The following KLF7 variants were observed in gnomAD, a reference collection of about 807,000 sequenced individuals.
KLF7 encodes the protein Krueppel-like factor 7.
A neutral mutation model predicts 27.3 loss-of-function variants in KLF7; 2 were observed. The observed-to-expected ratio is 0.07, with a 90% CI of 0.03 to 0.23. The LOEUF (loss-of-function observed/expected upper bound fraction) is 0.23. Ranked by LOEUF, KLF7 falls within the 10% of genes least tolerant of loss-of-function variation. The pLI is 1.00. For missense variants in KLF7, 221 were observed against 394.1 expected, an observed-to-expected ratio of 0.56 and a Z score of 3.72; for synonymous variants, 165 against 162.4, an observed-to-expected ratio of 1.02 and a Z score of -0.12.
Position 207,088,344 on chromosome 2 carries a change from T to C in KLF7, c.857+114A>G, listed in dbSNP as rs924323051. 4.7e-6 allele frequency: 6 copies of C among 1,263,532 alleles called. No homozygotes were observed. In the African/African-American group the frequency reaches 8.8e-5, roughly 19 times the overall value. The allele number at this position is 1,263,532 out of a possible 1,614,324, so 78.3% of individuals were successfully genotyped here. A position where few individuals can be genotyped will look rare whatever the true frequency, so the allele number is the denominator to read the frequency against. ...TCCATGGAGAAAAGGCATTCCCAGG[T>C]CCAAGTGTCTGTGAGTCAGACCTGT... On this transcript the variant is annotated intron_variant, in intron 3 of 3. Coordinates refer to ENST00000309446, the MANE Select transcript of KLF7 (RefSeq NM_003709.4).
chr2:207,095,870 A>T (rs2076617152), intron 2 of KLF7, among the ~76,000 whole-genome samples: 1 of 152,240 alleles, frequency 6.6e-6, no homozygotes, highest in South Asian at 2.1e-4. Flanking sequence ...TATTTTAGAT[A>T]TATTAATTTA....
intron 1 of KLF7, among the ~76,000 whole-genome samples, chr2:207,135,001 G>T (rs2077745752): frequency 6.6e-6 from 1 of 152,166 alleles, no homozygotes; most frequent in Non-Finnish European, 1.5e-5. Flanking sequence ...CAGACATAAA[G>T]AAACCTATCG....
At position 207,077,686 on chromosome 2, in the gene KLF7, G is replaced by C. The variant is rs1306140282; in HGVS notation, c.*3527C>G. 1.3e-5 allele frequency: 2 copies of C among 152,210 alleles called. No homozygotes were observed. The highest frequency in any genetic ancestry group is 1.3e-4 in the Admixed American group (2 of 15,284). The allele number at this position is 152,210 out of a possible 1,614,324, so 9.4% of individuals were successfully genotyped here. ...GGCATTGAGCTGAGCCATTAACCAT[G>C]GGTGGGGCAGGAGGCCAGTAGCTAG... On this transcript the variant is annotated 3_prime_UTR_variant, in exon 4 of 4. Coordinates refer to ENST00000309446, the MANE Select transcript of KLF7 (RefSeq NM_003709.4).
intron 1 of KLF7, 56 bp downstream of exon 1, chr2:207,165,411 G>A: frequency 6.2e-7 from 1 of 1,612,258 alleles, no homozygotes; most frequent in Non-Finnish European, 8.5e-7. Flanking sequence ...CACCAACGCA[G>A]CCCCTGCGTC....
chr2:207,088,828 C>T (rs1221414746), intron 2 of KLF7, among the ~76,000 whole-genome samples: 2 of 152,056 alleles, frequency 1.3e-5, no homozygotes, highest in African/African-American at 4.8e-5. Context: ...AAATCTGGAG[C>T]TGTCATTTTA....
chr2:207,121,195 TATCCAC>T (rs1157079405), intron 2 of KLF7, among the ~76,000 whole-genome samples: 4 of 152,346 alleles, frequency 2.6e-5, no homozygotes, highest in African/African-American at 9.6e-5. Context: ...CCACAACTTG[TATCCAC>T]AGGTGTCATC....
At chr2:207,081,327 T>G in intron 3 of KLF7, 63 bp from the exon 4 acceptor site, 1 of 1,311,008 alleles carries the variant, frequency 7.6e-7, no homozygotes, top group East Asian at 2.3e-5. Context: ...CTTGCATCAC[T>G]CCTTAGGAAA....
intron 1 of KLF7, among the ~76,000 whole-genome samples, chr2:207,127,190 A>C (rs927850528): frequency 6.6e-6 from 1 of 152,176 alleles, no homozygotes; most frequent in Non-Finnish European, 1.5e-5. Context: ...AAAAATCTGG[A>C]CCATTTCAGA....
Position 207,078,324 on chromosome 2 carries a change from G to A in KLF7, c.*2889C>T, listed in dbSNP as rs868712223. The A allele has an allele frequency of 6.6e-6, 1 of 152,098 alleles. No individual in the cohort carries two copies. Among genetic ancestry groups the A allele is most frequent in the African/African-American group, 2.4e-5 (1 of 41,408 alleles). The allele number at this position is 152,098 out of a possible 1,614,324, so 9.4% of individuals were successfully genotyped here. A position where few individuals can be genotyped will look rare whatever the true frequency, so the allele number is the denominator to read the frequency against. ...AGAAAGGTCAGGAGCAGATTACAAA[G>A]GACCTCACTGATACAAAAGAGAGAG... On this transcript the variant is annotated 3_prime_UTR_variant, in exon 4 of 4. Coordinates refer to ENST00000309446, the MANE Select transcript of KLF7 (RefSeq NM_003709.4).
intron 1 of KLF7, among the ~76,000 whole-genome samples, chr2:207,145,907 G>A (rs79832097): frequency 0.037 from 5,696 of 152,250 alleles, 157 homozygotes; most frequent in Middle Eastern, 0.1. Context: ...TTAAGTGAAT[G>A]AACTAAAGAA....
At chr2:207,116,524 G>A (rs112539782) in intron 2 of KLF7, among the ~76,000 whole-genome samples, 6 of 152,134 alleles carry the variant, frequency 3.9e-5, no homozygotes, top group African/African-American at 7.2e-5. Context: ...TTCTTATAAC[G>A]TCATCTTAGC....
At chr2:207,124,550 G>T in intron 1 of KLF7, 146 bp from the exon 2 acceptor site, 1 of 731,586 alleles carries the variant, frequency 1.4e-6, no homozygotes. Context: ...GTCTGACCTT[G>T]TTATTTATTC....
chr2:207,165,651 A>AC lies in KLF7; in HGVS notation c.-84dup, dbSNP rs1000619414. The AC allele has an allele frequency of 1.3e-6, 2 of 1,578,196 alleles. No homozygotes were observed. The highest frequency in any genetic ancestry group is 1.7e-6 in the Non-Finnish European group (2 of 1,160,898). On this transcript the variant is annotated 5_prime_UTR_variant, in exon 1 of 4. An upstream open reading frame in the 5' UTR gains an earlier in-frame stop. Coordinates refer to ENST00000309446, the MANE Select transcript of KLF7 (RefSeq NM_003709.4). ...GTTTGTTTGTCAGTCTGTCTGGCTC[A>AC]CCCCCCAAGAAGGCAGACATCCAGT... is the stretch of plus-strand genomic sequence containing the variant.
At chr2:207,126,758 G>A (rs945181748) in intron 1 of KLF7, among the ~76,000 whole-genome samples, 7 of 149,888 alleles carry the variant, frequency 4.7e-5, no homozygotes, top group South Asian at 2.1e-4. Flanking sequence ...AGCTATGGTC[G>A]TACCACTGCA....
chr2:207,111,466 C>T (rs755625180), intron 2 of KLF7, among the ~76,000 whole-genome samples: 1 of 152,204 alleles, frequency 6.6e-6, no homozygotes, highest in African/African-American at 2.4e-5. Context: ...TTCTAATTCA[C>T]ACAAAAGCAT....
At chr2:207,086,859 C>T (rs898375081) in intron 3 of KLF7, among the ~76,000 whole-genome samples, 5 of 152,224 alleles carry the variant, frequency 3.3e-5, no homozygotes, top group South Asian at 4.1e-4. Context: ...TGTGTGTACA[C>T]GCTACCATCA....
upstream of KLF7, chr2:207,166,322 G>A: frequency 6.2e-6 from 2 of 321,344 alleles, no homozygotes; most frequent in Non-Finnish European, 9.0e-6. Flanking sequence ...TGCCTTACAA[G>A]GCGGTGCGAG....
At position 207,124,267 on chromosome 2, in the gene KLF7, C is replaced by A. The variant is rs780193286; in HGVS notation, c.240G>T (p.Leu80=). Residue 80 remains leucine (L), a synonymous_variant, in exon 2 of 4, where the codon CTG becomes CTT. Transcript: ENST00000309446. ...IEESFRRLDP[L]LLPVEAAICE... is the part of the protein sequence containing the mutation. ...AGATGGCCGCTTCCACGGGGAGCAG[C>A]AGGGGGTCTAAGCGACGGAAGCTTT... The A allele has an allele frequency of 6.2e-7, 1 of 1,613,936 alleles. No individual in the cohort carries two copies. Among genetic ancestry groups the A allele is most frequent in the African/African-American group, 1.3e-5 (1 of 74,868 alleles).
chr2:207,087,614 T>C (rs1247190234), intron 3 of KLF7, among the ~76,000 whole-genome samples: 3 of 152,324 alleles, frequency 2.0e-5, no homozygotes, highest in African/African-American at 7.2e-5. Context: ...ACCTTTAGTA[T>C]TGCATTAAAA....
Sources: gnomAD v4.1 joint callset for allele counts (sites outside exome capture counted in the v4.1 genomes callset) on GRCh38, gnomAD v4.1.1 for gene constraint, MANE v1.5 for transcripts, NCBI Gene and HGNC (gene_info 2026-07-23, HGNC 2026-07-21) for gene names.